OPRM1: variants seen among roughly 807,000 people sequenced by gnomAD.
The protein encoded by OPRM1 is opioid receptor mu 1, also known as mu-type opioid receptor.
In OPRM1, 27 loss-of-function variants were observed where a neutral mutation model predicts 31.8. The observed-to-expected ratio is 0.85, with a 90% CI of 0.63 to 1.17. The LOEUF (loss-of-function observed/expected upper bound fraction) is 1.17, where lower values mean the gene tolerates loss of function less well. OPRM1 is among the 50% of genes most tolerant of loss of function. The pLI is 0.00. For missense variants in OPRM1, 536 were observed against 511.1 expected (o/e 1.05, Z -0.47); for synonymous variants, 196 against 189.9 (o/e 1.03, Z -0.26).
chr6:154,054,676 A>T (rs1437310843), intron 1 of OPRM1, among the ~76,000 whole-genome samples: 1 of 152,194 alleles, frequency 6.6e-6, no homozygotes. Context: ...ATGTTTTGAA[A>T]ATTTCTCTAA....
chr6:154,161,059 T>G (rs1444605993), intron 3 of OPRM1, among the ~76,000 whole-genome samples: 4 of 152,206 alleles, frequency 2.6e-5, no homozygotes, highest in Non-Finnish European at 5.9e-5. Context: ...GCATGCATTT[T>G]CTCACCCACA....
rs1797887931 is a variant in OPRM1 at position 154,131,411 on chromosome 6, C to CA, written c.*12692dup. ...AGCTTTAAGTCAAACCTAACATAAG[C>CA]AATCAACCCTTCCACCCATTGTCCT... On this transcript the variant is annotated 3_prime_UTR_variant, in exon 4 of 4. Coordinates refer to ENST00000330432, the MANE Select transcript of OPRM1 (RefSeq NM_000914.5). 6.6e-6 allele frequency among the ~76,000 whole-genome samples: 1 copy of CA among 152,162 alleles called. No individual in the cohort carries two copies. The highest frequency in any genetic ancestry group is 1.5e-5 in the Non-Finnish European group (1 of 68,028).
rs752365239 is a variant in OPRM1 at position 154,091,066 on chromosome 6, G to A, written c.758G>A (p.Cys253Tyr). 2 of 1,614,162 alleles carry A rather than the reference G, an allele frequency of 1.2e-6. No homozygotes were observed. Among genetic ancestry groups the A allele is most frequent in the Admixed American group, 1.7e-5 (1 of 60,022 alleles). Residue 253 changes from cysteine (C) to tyrosine (Y), a missense_variant, in exon 3 of 4, where the codon TGC becomes TAC. By Grantham distance (194) the Cys-to-Tyr change is radical. Coordinates refer to ENST00000330432, the MANE Select transcript of OPRM1 (RefSeq NM_000914.5). ...FIMPVLIITV[C>Y]YGLMILRLKS... ...ATGCCAGTGCTCATCATTACCGTGT[G>A]CTATGGACTGATGATCTTGCGCCTC...
At chr6:154,084,878 A>G (rs1790128638) in intron 1 of OPRM1, among the ~76,000 whole-genome samples, 1 of 151,650 alleles carries the variant, frequency 6.6e-6, no homozygotes, top group African/African-American at 2.4e-5. Flanking sequence ...ACTTATGAAA[A>G]AGGTAGTTGA....
At chr6:154,172,168 G>A (rs1317589089) in intron 3 of OPRM1, among the ~76,000 whole-genome samples, 1 of 152,138 alleles carries the variant, frequency 6.6e-6, no homozygotes, top group Non-Finnish European at 1.5e-5. Context: ...TATTATCATT[G>A]CTTCCAAGAT....
chr6:154,179,882 T>C (rs1414528565), intron 3 of OPRM1, among the ~76,000 whole-genome samples: 1 of 152,194 alleles, frequency 6.6e-6, no homozygotes, highest in Non-Finnish European at 1.5e-5. Context: ...TGTTAACATG[T>C]AGATTCCATT....
At chr6:154,152,133 C>T (rs541368272) in intron 3 of OPRM1, among the ~76,000 whole-genome samples, 125 of 138,192 alleles carry the variant, frequency 9.0e-4, no homozygotes, top group Non-Finnish European at 1.3e-3. Context: ...GCCAAGATCG[C>T]GCCACTGCAC....
intron 1 of OPRM1, among the ~76,000 whole-genome samples, chr6:154,031,336 C>G (rs2128387464): frequency 6.6e-6 from 1 of 152,284 alleles, no homozygotes; most frequent in South Asian, 2.1e-4. Context: ...GGAGTCTACA[C>G]TACTCTCCTG....
In OPRM1 at chr6:154,074,675, G is replaced by A. The variant is rs542228300; in HGVS notation, c.291-15151G>A. On this transcript the variant is annotated intron_variant, in intron 1 of 3. Coordinates refer to ENST00000330432, the MANE Select transcript of OPRM1 (RefSeq NM_000914.5). ...CTTGGGAGGCTGAGGCAGGAGAATT[G>A]CTTGAACCTGGGAGGTGGGAGGTTG... 5.9e-5 allele frequency among the ~76,000 whole-genome samples: 9 copies of A among 152,102 alleles called. No individual in the cohort carries two copies. In the East Asian group the frequency reaches 1.7e-3, roughly 29 times the overall value.
intron 3 of OPRM1, chr6:154,159,177 T>C (rs1374591613): frequency 6.6e-6 from 1 of 152,572 alleles, no homozygotes; most frequent in Non-Finnish European, 1.5e-5. Context: ...TCCCCTAACC[T>C]GCATAAAGTG....
chr6:154,094,000 C>G (rs1257520696), intron 3 of OPRM1, among the ~76,000 whole-genome samples: 1 of 152,126 alleles, frequency 6.6e-6, no homozygotes, highest in African/African-American at 2.4e-5. Context: ...ATGTGATAAA[C>G]AGGTGTTTGG....
chr6:154,044,512 A>C (rs181010423), intron 1 of OPRM1, among the ~76,000 whole-genome samples: 3 of 152,250 alleles, frequency 2.0e-5, no homozygotes, highest in African/African-American at 4.8e-5. Flanking sequence ...AGTACTTTTA[A>C]CTGATCTTAT....
In OPRM1 at chr6:154,204,328, A is replaced by G. The variant is rs192722089; in HGVS notation, c.1165-42365A>G. Among the ~76,000 whole-genome samples, 910 of 152,358 alleles carry G rather than the reference A, an allele frequency of 6.0e-3. 11 individuals carry two copies. Among genetic ancestry groups the G allele is most frequent in the African/African-American group, 0.021 (883 of 41,584 alleles). On this transcript the variant is annotated intron_variant, in intron 3 of 3. Coordinates refer to the OPRM1 transcript ENST00000337049. ...TAATTAGGCAGAAGTGAGTCAGCAT[A>G]GAAATCTTAAGGAGTCAAAGTACAT... is the stretch of plus-strand genomic sequence containing the variant.
intron 3 of OPRM1, among the ~76,000 whole-genome samples, chr6:154,115,462 C>A (rs1350282452): frequency 6.6e-6 from 1 of 152,118 alleles, no homozygotes; most frequent in Non-Finnish European, 1.5e-5. Flanking sequence ...ATTGCTTGAG[C>A]CTGGGAGGTG....
At chr6:154,017,072 CTT>C (rs894647800) in intron 1 of OPRM1, among the ~76,000 whole-genome samples, 96 of 152,254 alleles carry the variant, frequency 6.3e-4, no homozygotes, top group African/African-American at 2.1e-3. Context: ...ACAAAATTGA[CTT>C]ATCTCCCTAG....
chr6:154,149,843 G>GC (rs1459333371), intron 3 of OPRM1, among the ~76,000 whole-genome samples: 6 of 151,986 alleles, frequency 3.9e-5, no homozygotes, highest in African/African-American at 7.3e-5. Context: ...CTGCCATCTG[G>GC]CCTCTACTAT....
chr6:154,150,051 A>G (rs1798458420), intron 3 of OPRM1, among the ~76,000 whole-genome samples: 1 of 152,184 alleles, frequency 6.6e-6, no homozygotes. Flanking sequence ...TTCCTGGTTT[A>G]ATAATTCAAT....
In OPRM1 at chr6:154,055,027, A is replaced by G. The variant is rs893416260; in HGVS notation, c.290+15193A>G. The stretch of plus-strand genomic sequence containing the variant: ...AGGAAAAATAGCCATATTCAACCTC[A>G]CATGGGTTTTAGGTCCAAATAGATA... On this transcript the variant is annotated intron_variant, in intron 1 of 3. Transcript: ENST00000330432. Among the ~76,000 whole-genome samples the G allele has an allele frequency of 1.5e-4, 23 of 152,248 alleles. 1 individual carries two copies. Among genetic ancestry groups the G allele is most frequent in the Admixed American group, 1.3e-4 (2 of 15,280 alleles).
At chr6:154,038,586 TA>T (rs1482177050), upstream of OPRM1, among the ~76,000 whole-genome samples, 1 of 152,182 alleles carries the variant, frequency 6.6e-6, no homozygotes, top group East Asian at 1.9e-4. Flanking sequence ...AGTCTTCAGA[TA>T]AAAAAGATAA....
Sources: gnomAD v4.1 joint callset for allele counts (sites outside exome capture counted in the v4.1 genomes callset) on GRCh38, gnomAD v4.1.1 for gene constraint, MANE v1.5 for transcripts, NCBI Gene and HGNC (gene_info 2026-07-23, HGNC 2026-07-21) for gene names.